DLGAP2: variants seen among roughly 807,000 people sequenced by gnomAD.
DLGAP2 encodes the protein DLG associated protein 2, also known as disks large-associated protein 2.
In DLGAP2, 26 loss-of-function variants were observed where a neutral mutation model predicts 100.3. That is an observed-to-expected ratio of 0.26 (90% CI 0.19 to 0.36). The LOEUF (loss-of-function observed/expected upper bound fraction) is 0.36. DLGAP2 is among the 10% of genes least tolerant of loss of function. The probability of loss-of-function intolerance (pLI) is 1.00; values close to 1 mark genes in which losing one functional copy is unlikely to be tolerated. For synonymous variants in DLGAP2, 886 were observed against 630.1 expected (o/e 1.41, Z -6.08); for missense variants, 1,858 against 1,453.2 (o/e 1.28, Z -4.53).
rs1554506576 is a variant in DLGAP2, at chr8:1,601,945, G to GTGTGT, written c.1443-24795_1443-24794insTGTGT. Among the ~76,000 whole-genome samples, 12 of 146,454 alleles carry GTGTGT rather than the reference G, an allele frequency of 8.2e-5. No homozygotes were observed. The East Asian group carries it at 2.0e-3, about 25-fold the overall frequency. On this transcript the variant is annotated intron_variant, in intron 6 of 14. Coordinates refer to ENST00000637795, the MANE Select transcript of DLGAP2 (RefSeq NM_001346810.2). Reference sequence around the variant, plus strand: ...TGATCCTAAAACCTTAATTTAACAGGGTGTGTGTGTGTGTGTGTGTGTGTG... The same window carrying GTGTGT: ...TGATCCTAAAACCTTAATTTAACAGGTGTGTGTGTGTGTGTGTGTGTGTGTGTGTG...
intron 2 of DLGAP2, among the ~76,000 whole-genome samples, chr8:950,633 T>C (rs1799455423): frequency 6.7e-6 from 1 of 149,256 alleles, no homozygotes; most frequent in Non-Finnish European, 1.5e-5. Context: ...TTTTTTTTTT[T>C]TTTTTTGAGA....
chr8:1,419,213 T>TGA (rs1797024670), intron 3 of DLGAP2, among the ~76,000 whole-genome samples: 1 of 149,640 alleles, frequency 6.7e-6, no homozygotes, highest in African/African-American at 2.5e-5. Flanking sequence ...TGCGTGTGTG[T>TGA]GTGTGTGTGT....
intron 1 of DLGAP2, among the ~76,000 whole-genome samples, chr8:824,107 C>T (rs1030844050): frequency 1.3e-5 from 2 of 151,700 alleles, no homozygotes; most frequent in African/African-American, 4.9e-5. Context: ...TCTTTTCTCC[C>T]TCTGTCACTC....
At chr8:1,692,623 G>C (rs1226509676) in intron 13 of DLGAP2, among the ~76,000 whole-genome samples, 1 of 152,018 alleles carries the variant, frequency 6.6e-6, no homozygotes, top group Non-Finnish European at 1.5e-5. Flanking sequence ...TTTCTATTAC[G>C]TCTAATGTCA....
At chr8:1,080,975 C>A (rs556176544) in intron 2 of DLGAP2, among the ~76,000 whole-genome samples, 1 of 152,168 alleles carries the variant, frequency 6.6e-6, no homozygotes, top group South Asian at 2.1e-4. Context: ...TTTAACAATA[C>A]AAAATTATAT....
chr8:1,574,673 T>G (rs1802890070), intron 6 of DLGAP2, among the ~76,000 whole-genome samples: 1 of 152,222 alleles, frequency 6.6e-6, no homozygotes. Flanking sequence ...AAGCTTCCAC[T>G]TAGGCTGAGC....
chr8:873,903 G>A (rs527669690), intron 1 of DLGAP2, among the ~76,000 whole-genome samples: 32 of 152,214 alleles, frequency 2.1e-4, no homozygotes, highest in African/African-American at 7.2e-4. Context: ...CTCTCGAGAC[G>A]TCTGTTTAGA....
chr8:1,214,330 A>G (rs1798168188), intron 2 of DLGAP2, among the ~76,000 whole-genome samples: 1 of 152,188 alleles, frequency 6.6e-6, no homozygotes, highest in Non-Finnish European at 1.5e-5. Context: ...CACTCAGGTG[A>G]TCGTTTTTCC....
At chr8:1,324,101 A>T (rs1223677658) in intron 3 of DLGAP2, among the ~76,000 whole-genome samples, 3 of 152,174 alleles carry the variant, frequency 2.0e-5, no homozygotes, top group Non-Finnish European at 4.4e-5. Flanking sequence ...GGCTTAGTGA[A>T]ATAAGAAGCG....
intron 1 of DLGAP2, among the ~76,000 whole-genome samples, chr8:772,631 G>A (rs563648185): frequency 1.3e-5 from 2 of 152,168 alleles, no homozygotes; most frequent in African/African-American, 4.8e-5. Context: ...CCTTAATAGA[G>A]TATTTTACTG....
intron 3 of DLGAP2, among the ~76,000 whole-genome samples, chr8:1,460,904 G>A (rs1431930010): frequency 6.6e-6 from 1 of 152,180 alleles, no homozygotes; most frequent in African/African-American, 2.4e-5. Flanking sequence ...GGGTCGGTAG[G>A]GATCAGAAAG....
chr8:1,302,287 G>A (rs1800368187), intron 3 of DLGAP2: 2 of 129,166 alleles, frequency 1.5e-5, no homozygotes, highest in South Asian at 4.8e-4. Flanking sequence ...CTCCACACCT[G>A]GGACCGGACT....
chr8:1,620,083 G>T (rs537585779), intron 6 of DLGAP2, among the ~76,000 whole-genome samples: 2 of 152,066 alleles, frequency 1.3e-5, no homozygotes, highest in African/African-American at 4.8e-5. Context: ...TTCTCAAATC[G>T]CCTGTCCTCT....
intron 10 of DLGAP2, among the ~76,000 whole-genome samples, chr8:1,674,204 C>T (rs1476858852): frequency 6.6e-6 from 1 of 152,162 alleles, no homozygotes; most frequent in Non-Finnish European, 1.5e-5. Flanking sequence ...CAGGTGCTAC[C>T]ACTCAGCTAA....
At chr8:1,686,532 G>T (rs539120642) in intron 12 of DLGAP2, among the ~76,000 whole-genome samples, 2 of 152,264 alleles carry the variant, frequency 1.3e-5, no homozygotes, top group Non-Finnish European at 2.9e-5. Flanking sequence ...GCCAGGCATG[G>T]TGGCGCACGC....
At chr8:1,009,540 A>G (rs987936223) in intron 2 of DLGAP2, among the ~76,000 whole-genome samples, 3 of 152,218 alleles carry the variant, frequency 2.0e-5, no homozygotes, top group African/African-American at 7.2e-5. Flanking sequence ...AATTAGCTTT[A>G]CACGTGGGAA....
At chr8:1,002,221 C>G (rs1229271076) in intron 2 of DLGAP2, 2 of 152,172 alleles carry the variant, frequency 1.3e-5, no homozygotes, top group Non-Finnish European at 2.9e-5. Flanking sequence ...CCTTTTGTCA[C>G]TGTGTTCAAA....
intron 1 of DLGAP2, among the ~76,000 whole-genome samples, chr8:745,333 C>T (rs146101496): frequency 6.6e-6 from 1 of 152,260 alleles, no homozygotes; most frequent in East Asian, 1.9e-4. Context: ...TTTGTTGTGG[C>T]CATTTCAGAA....
intron 2 of DLGAP2, among the ~76,000 whole-genome samples, chr8:1,180,451 C>T (rs973494988): frequency 1.3e-5 from 2 of 152,228 alleles, no homozygotes; most frequent in Non-Finnish European, 2.9e-5. Flanking sequence ...CTGCTTCAGG[C>T]CCGTGTGCCT....
Sources: gnomAD v4.1 joint callset for allele counts (sites outside exome capture counted in the v4.1 genomes callset) on GRCh38, gnomAD v4.1.1 for gene constraint, MANE v1.5 for transcripts, NCBI Gene and HGNC (gene_info 2026-07-23, HGNC 2026-07-21) for gene names.